Variants in UBE3A observed in about 807,000 individuals in gnomAD.
UBE3A encodes the protein ubiquitin-protein ligase E3A.
In UBE3A, 6 loss-of-function variants were observed where a neutral mutation model predicts 83.4. The ratio of observed to expected loss-of-function variants is 0.07; its 90% CI spans 0.04 to 0.14. The LOEUF is 0.14. Ranked by LOEUF, UBE3A falls within the 10% of genes least tolerant of loss-of-function variation. The pLI, the probability that UBE3A is intolerant of heterozygous loss-of-function variation, is 1.00. For missense variants in UBE3A, 456 were observed against 1,036.1 expected (o/e 0.44, Z 7.69); for synonymous variants, 337 against 355.4 (o/e 0.95, Z 0.58).
chr15:25,411,327 C>T lies in UBE3A; in HGVS notation c.-101+581G>A, dbSNP rs138653426. ...ACAAATGGCTGGGCGTGGTGGCTAA[C>T]GCCTGTAATCCCAGCACTTTGGGAG... On this transcript the variant is annotated intron_variant, in intron 2 of 12. Transcript: ENST00000648336. Among the ~76,000 whole-genome samples the T allele has an allele frequency of 3.3e-5, 5 of 152,358 alleles. No homozygotes were observed. In the South Asian group the frequency reaches 6.2e-4, roughly 19 times the overall value.
At chr15:25,380,612 A>G (rs936919640) in intron 4 of UBE3A, among the ~76,000 whole-genome samples, 1 of 152,232 alleles carries the variant, frequency 6.6e-6, no homozygotes, top group African/African-American at 2.4e-5. Flanking sequence ...GAGAGGATGC[A>G]AAAGAAAAAG....
chr15:25,381,762 T>C (rs943001369), intron 4 of UBE3A, among the ~76,000 whole-genome samples: 14 of 152,208 alleles, frequency 9.2e-5, no homozygotes, highest in Admixed American at 9.2e-4. Context: ...AGCAACGGTA[T>C]CCTAAATAGT....
At chr15:25,425,153 T>C (rs557783134) in intron 1 of UBE3A, among the ~76,000 whole-genome samples, 1 of 152,212 alleles carries the variant, frequency 6.6e-6, no homozygotes, top group South Asian at 2.1e-4. Context: ...AAAACAGACA[T>C]ACATGTCAAT....
In UBE3A at chr15:25,338,895, TATAATA is replaced by T. The variant is rs1246370725; in HGVS notation, c.*236_*241del. On this transcript the variant is annotated 3_prime_UTR_variant, in exon 13 of 13. Transcript: ENST00000648336. ...TAACACTTTCACGCAAAAAAATAAT[TATAATA>T]ATAATAAAGGATTTGTTCATATATG... 2 of 212,372 alleles carry T rather than the reference TATAATA, an allele frequency of 9.4e-6. No homozygotes were observed. Among genetic ancestry groups the T allele is most frequent in the Admixed American group, 5.6e-5 (1 of 17,768 alleles). The allele number at this position is 212,372 out of a possible 1,614,324, so 13.2% of individuals were successfully genotyped here.
At chr15:25,391,546 T>C (rs2084388803) in intron 4 of UBE3A, 1 of 152,198 alleles carries the variant, frequency 6.6e-6, no homozygotes, top group Non-Finnish European at 1.5e-5. Context: ...TATAAACTGA[T>C]AAAAACCTGT....
chr15:25,391,471 T>TA (rs1324096010), intron 4 of UBE3A: 2 of 152,252 alleles, frequency 1.3e-5, no homozygotes, highest in African/African-American at 4.8e-5. Context: ...AAATCATTAA[T>TA]ATGGTAAAAT....
Position 25,367,631 on chromosome 15 carries a change from T to G in UBE3A, c.1608+2935A>C, listed in dbSNP as rs545190346. 4.6e-5 allele frequency among the ~76,000 whole-genome samples: 7 copies of G among 152,206 alleles called. 1 individual carries two copies. The South Asian group carries it at 1.4e-3, about 32-fold the overall frequency. Reference sequence around the variant, plus strand: ...AAATCAGATTACACCATACAAATGATAGCATCTTACAATGAATTGCTGGTA... The same window carrying G: ...AAATCAGATTACACCATACAAATGAGAGCATCTTACAATGAATTGCTGGTA... On this transcript the variant is annotated intron_variant, in intron 6 of 12. Transcript: ENST00000648336.
chr15:25,356,220 G>T (rs138086557), intron 8 of UBE3A, among the ~76,000 whole-genome samples, 164 bp from the exon 9 acceptor site: 1 of 151,888 alleles, frequency 6.6e-6, no homozygotes, highest in African/African-American at 2.4e-5. Context: ...ACCTATAAAA[G>T]AAAGATTGTC....
At chr15:25,390,790 G>T (rs2084171851) in intron 4 of UBE3A, among the ~76,000 whole-genome samples, 1 of 152,028 alleles carries the variant, frequency 6.6e-6, no homozygotes, top group Non-Finnish European at 1.5e-5. Flanking sequence ...GGGTAATTAT[G>T]ATGTATCAAT....
chr15:25,420,438 T>A (rs1318233955), intron 1 of UBE3A, among the ~76,000 whole-genome samples: 2 of 152,096 alleles, frequency 1.3e-5, no homozygotes, highest in East Asian at 3.9e-4. Context: ...CCTCTCTCGG[T>A]AATTAGTAAG....
At chr15:25,385,359 A>T (rs2082928040) in intron 4 of UBE3A, among the ~76,000 whole-genome samples, 1 of 152,178 alleles carries the variant, frequency 6.6e-6, no homozygotes, top group South Asian at 2.1e-4. Context: ...ACCATCACTG[A>T]TCAGTAGGGA....
intron 4 of UBE3A, among the ~76,000 whole-genome samples, chr15:25,382,184 C>T (rs1038272414): frequency 4.6e-5 from 7 of 151,730 alleles, no homozygotes; most frequent in South Asian, 2.1e-4. Flanking sequence ...AGCTGGGCGC[C>T]GTGGTGGGCG....
chr15:25,367,559 CTTATA>C (rs1288655723), intron 6 of UBE3A, among the ~76,000 whole-genome samples: 1 of 151,952 alleles, frequency 6.6e-6, no homozygotes, highest in Non-Finnish European at 1.5e-5. Flanking sequence ...GAAGAGACAA[CTTATA>C]TTCTATTGAT....
At chr15:25,398,812 TATAA>T (rs1249946499) in intron 4 of UBE3A, among the ~76,000 whole-genome samples, 928 of 69,380 alleles carry the variant, frequency 0.013, 77 homozygotes, top group East Asian at 0.079. Context: ...TATATATATA[TATAA>T]AAATACATAT....
chr15:25,393,427 C>T (rs73366253), intron 4 of UBE3A, among the ~76,000 whole-genome samples: 7,526 of 152,108 alleles, frequency 0.049, 634 homozygotes, highest in African/African-American at 0.17. Context: ...ACAAAGAACT[C>T]GGTGAATCAA....
intron 7 of UBE3A, among the ~76,000 whole-genome samples, chr15:25,358,290 TGAGTC>T (rs2077525471): frequency 6.6e-6 from 1 of 151,952 alleles, no homozygotes; most frequent in Admixed American, 6.6e-5. Context: ...GGGGATGGTT[TGAGTC>T]TTCAGCCTGG....
intron 4 of UBE3A, among the ~76,000 whole-genome samples, chr15:25,398,816 A>ATATATATAT (rs1567069211): frequency 0.018 from 720 of 40,322 alleles, 23 homozygotes; most frequent in Non-Finnish European, 0.027. Flanking sequence ...TATATATATA[A>ATATATATAT]AAATACATAT....
At chr15:25,355,049 G>C (rs1387885184) in intron 9 of UBE3A, among the ~76,000 whole-genome samples, 5 of 152,112 alleles carry the variant, frequency 3.3e-5, no homozygotes, top group Non-Finnish European at 5.9e-5. Flanking sequence ...GTATTAAACA[G>C]AACTGAATAT....
intron 1 of UBE3A, among the ~76,000 whole-genome samples, chr15:25,437,619 T>C (rs1895500319): frequency 6.6e-6 from 1 of 152,172 alleles, no homozygotes; most frequent in Non-Finnish European, 1.5e-5. Context: ...CACTTAATAA[T>C]CTCAAACAGA....
Sources: gnomAD v4.1 joint callset for allele counts (sites outside exome capture counted in the v4.1 genomes callset) on GRCh38, gnomAD v4.1.1 for gene constraint, MANE v1.5 for transcripts, NCBI Gene and HGNC (gene_info 2026-07-23, HGNC 2026-07-21) for gene names.